MARCHF1: variants seen among roughly 807,000 people sequenced by gnomAD.
MARCHF1 encodes the protein E3 ubiquitin-protein ligase MARCHF1.
Under a neutral mutation model 54.2 loss-of-function variants are expected in MARCHF1, and 40 were observed. The observed-to-expected ratio is 0.74, with a 90% confidence interval of 0.57 to 0.96. The LOEUF is 0.96. Among genes scored for constraint, MARCHF1 ranks in the 40% least tolerant of loss-of-function variants. The probability of loss-of-function intolerance (pLI) is 0.00; values close to 1 mark genes in which losing one functional copy is unlikely to be tolerated. For synonymous variants in MARCHF1, 236 were observed against 236.3 expected (o/e 1.00, Z 0.01); for missense variants, 586 against 656.5 (o/e 0.89, Z 1.17).
intron 3 of MARCHF1, among the ~76,000 whole-genome samples, chr4:163,945,396 C>T (rs1367047996): frequency 6.6e-6 from 1 of 152,154 alleles, no homozygotes; most frequent in African/African-American, 2.4e-5. Flanking sequence ...TCATAGCTGT[C>T]AATCTGTTTG....
chr4:164,364,681 G>T (rs1730830100), intron 1 of MARCHF1, among the ~76,000 whole-genome samples: 1 of 149,008 alleles, frequency 6.7e-6, no homozygotes, highest in African/African-American at 2.5e-5. Flanking sequence ...ACCTTCTCTT[G>T]AACAATTTTC....
chr4:163,623,556 A>G (rs1377766052), intron 5 of MARCHF1, among the ~76,000 whole-genome samples: 2 of 152,158 alleles, frequency 1.3e-5, no homozygotes, highest in Non-Finnish European at 2.9e-5. Flanking sequence ...ACCTCTAGGG[A>G]CAACTCTCAA....
intron 1 of MARCHF1, among the ~76,000 whole-genome samples, chr4:164,179,092 T>C (rs1226368959): frequency 6.6e-6 from 1 of 152,178 alleles, no homozygotes; most frequent in Non-Finnish European, 1.5e-5. Flanking sequence ...CCTCATACTG[T>C]TGCTGACAGT....
chr4:163,756,550 T>C (rs536833685), intron 4 of MARCHF1, among the ~76,000 whole-genome samples: 19 of 145,802 alleles, frequency 1.3e-4, no homozygotes, highest in African/African-American at 4.6e-4. Flanking sequence ...GGAGAATCAC[T>C]TGAACCAGGA....
chr4:163,564,128 A>T (rs1037975369), intron 8 of MARCHF1, among the ~76,000 whole-genome samples: 1 of 152,102 alleles, frequency 6.6e-6, no homozygotes, highest in Non-Finnish European at 1.5e-5. Context: ...CTCCTTAACC[A>T]TTCGCCTTAC....
chr4:163,823,792 G>A (rs1748765569), intron 4 of MARCHF1, among the ~76,000 whole-genome samples: 1 of 151,772 alleles, frequency 6.6e-6, no homozygotes, highest in South Asian at 2.1e-4. Context: ...ATCAAATAAT[G>A]TTGAGCCTCC....
intron 3 of MARCHF1, among the ~76,000 whole-genome samples, chr4:163,918,183 T>C (rs1751351250): frequency 6.6e-6 from 1 of 152,162 alleles, no homozygotes; most frequent in South Asian, 2.1e-4. Flanking sequence ...TTGTTAGGCT[T>C]GTGAAGATCA....
At chr4:163,690,736 C>G (rs1305460409) in intron 5 of MARCHF1, among the ~76,000 whole-genome samples, 1 of 152,118 alleles carries the variant, frequency 6.6e-6, no homozygotes, top group East Asian at 1.9e-4. Flanking sequence ...CAACAGGAAG[C>G]CTTAGACATA....
At chr4:164,344,100 A>G (rs77854592) in intron 1 of MARCHF1, among the ~76,000 whole-genome samples, 17,199 of 152,170 alleles carry the variant, frequency 0.11, 1,592 homozygotes, top group East Asian at 0.29. Context: ...GGAGGCCACA[A>G]TCCTAAGCAA....
chr4:164,047,155 G>A (rs941481818), intron 2 of MARCHF1, among the ~76,000 whole-genome samples: 1 of 152,146 alleles, frequency 6.6e-6, no homozygotes, highest in African/African-American at 2.4e-5. Flanking sequence ...CCTAATCCCA[G>A]TGACATCCAT....
chr4:163,968,389 G>T (rs1300493183), intron 3 of MARCHF1, among the ~76,000 whole-genome samples: 1 of 152,054 alleles, frequency 6.6e-6, no homozygotes, highest in Non-Finnish European at 1.5e-5. Flanking sequence ...TTTCTACGTG[G>T]CCAATTTCTA....
At chr4:164,361,963 G>A (rs1578900065) in intron 1 of MARCHF1, among the ~76,000 whole-genome samples, 1 of 151,960 alleles carries the variant, frequency 6.6e-6, no homozygotes, top group African/African-American at 2.4e-5. Flanking sequence ...CTTTGCTCAT[G>A]GGTAAATTAT....
intron 2 of MARCHF1, among the ~76,000 whole-genome samples, chr4:164,090,527 A>C (rs1018710789): frequency 8.5e-5 from 13 of 152,246 alleles, no homozygotes; most frequent in Middle Eastern, 3.4e-3. Flanking sequence ...TTTTGGTTGG[A>C]AATATCACCT....
chr4:163,649,613 CT>C (rs1024366114), intron 5 of MARCHF1, among the ~76,000 whole-genome samples: 2 of 151,952 alleles, frequency 1.3e-5, no homozygotes, highest in African/African-American at 4.8e-5. Context: ...ACTTCTTAGT[CT>C]GATAGTTTTA....
intron 7 of MARCHF1, among the ~76,000 whole-genome samples, chr4:163,601,281 C>A (rs1472475565): frequency 1.3e-5 from 2 of 152,030 alleles, no homozygotes; most frequent in Non-Finnish European, 1.5e-5. Context: ...ACCCAGTATT[C>A]ATGTTTATAC....
chr4:164,109,596 G>T (rs1755787025), intron 2 of MARCHF1, among the ~76,000 whole-genome samples: 4 of 151,218 alleles, frequency 2.6e-5, no homozygotes, highest in African/African-American at 7.3e-5. Context: ...ATTTCTCCTT[G>T]CACCTTTCCC....
chr4:164,037,301 A>G lies in MARCHF1; in HGVS notation c.-247-48592T>C, dbSNP rs575398617. Among the ~76,000 whole-genome samples, 33 of 152,308 alleles carry G rather than the reference A, an allele frequency of 2.2e-4. 3 individuals are homozygous for G. The East Asian group carries it at 6.0e-3, about 28-fold the overall frequency. On this transcript the variant is annotated intron_variant, in intron 2 of 9. Transcript: ENST00000514618. Reference sequence around the variant, plus strand: ...AGGTGATATTTAAAGTCATGCCACTAGCTTAGGTCATCAAGGAAGTAAATG... The same window carrying G: ...AGGTGATATTTAAAGTCATGCCACTGGCTTAGGTCATCAAGGAAGTAAATG...
chr4:164,302,881 A>G (rs1734599778), intron 1 of MARCHF1, among the ~76,000 whole-genome samples: 1 of 151,296 alleles, frequency 6.6e-6, no homozygotes, highest in African/African-American at 2.4e-5. Flanking sequence ...AAAAAAAAAA[A>G]AAAAAAAAAG....
intron 2 of MARCHF1, among the ~76,000 whole-genome samples, chr4:164,029,221 C>T (rs1238511936): frequency 6.6e-6 from 1 of 152,116 alleles, no homozygotes; most frequent in Non-Finnish European, 1.5e-5. Context: ...ACAGGCTATA[C>T]AGGAAGCACA....
Sources: gnomAD v4.1 joint callset for allele counts (sites outside exome capture counted in the v4.1 genomes callset) on GRCh38, gnomAD v4.1.1 for gene constraint, MANE v1.5 for transcripts, NCBI Gene and HGNC (gene_info 2026-07-23, HGNC 2026-07-21) for gene names.